The following WWOX variants were observed in gnomAD, a reference collection of about 807,000 sequenced individuals.
WWOX encodes WW domain-containing oxidoreductase.
A neutral mutation model predicts 46.2 loss-of-function variants in WWOX; 69 were observed. The observed-to-expected ratio is 1.49, with a 90% CI of 1.23 to 1.82. The LOEUF (loss-of-function observed/expected upper bound fraction) is 1.82. Ranked by LOEUF, WWOX falls within the 40% of genes most tolerant of loss-of-function variation. The probability of loss-of-function intolerance (pLI) is 0.00; values close to 1 mark genes in which losing one functional copy is unlikely to be tolerated. For missense variants in WWOX, 919 were observed against 542.6 expected (o/e 1.69, Z -6.89); for synonymous variants, 359 against 202.6 (o/e 1.77, Z -6.56).
chr16:78,966,797 T>C lies in WWOX; in HGVS notation c.1057-244811T>C, dbSNP rs562916841. 6.6e-5 allele frequency among the ~76,000 whole-genome samples: 10 copies of C among 152,274 alleles called. No homozygotes were observed. In the South Asian group the frequency reaches 1.9e-3, roughly 28 times the overall value. ...GGATTCAAATCACATGTGCCAACTGTTCTACTTTGGCAGAATTACCTACTG... is the reference window on the plus strand; with the variant it reads ...GGATTCAAATCACATGTGCCAACTGCTCTACTTTGGCAGAATTACCTACTG... On this transcript the variant is annotated intron_variant, in intron 8 of 8. Transcript: ENST00000566780.
At chr16:78,762,686 A>C (rs1274983977) in intron 8 of WWOX, among the ~76,000 whole-genome samples, 60 of 152,188 alleles carry the variant, frequency 3.9e-4, no homozygotes. Context: ...GCAGGAATCC[A>C]CTGTGGCTGA....
intron 7 of WWOX, among the ~76,000 whole-genome samples, chr16:78,428,662 A>C (rs754433685): frequency 6.6e-6 from 1 of 152,200 alleles, no homozygotes; most frequent in Admixed American, 6.5e-5. Context: ...CCTAGTCATG[A>C]CATACTTCTG....
chr16:78,693,202 C>T (rs1225850539), intron 8 of WWOX, among the ~76,000 whole-genome samples: 2 of 152,130 alleles, frequency 1.3e-5, no homozygotes, highest in East Asian at 3.9e-4. Context: ...TATTGACTGC[C>T]TTTCTGTATT....
intron 8 of WWOX, among the ~76,000 whole-genome samples, chr16:78,936,805 T>C (rs1265902467): frequency 6.6e-6 from 1 of 152,066 alleles, no homozygotes; most frequent in African/African-American, 2.4e-5. Context: ...ATGTCTAGAG[T>C]ATGGTTTTAA....
At chr16:78,434,036 G>T (rs905992741) in intron 8 of WWOX, among the ~76,000 whole-genome samples, 3 of 152,132 alleles carry the variant, frequency 2.0e-5, no homozygotes, top group Non-Finnish European at 2.9e-5. Context: ...TGATCCGCCC[G>T]CCTCGGCCTC....
chr16:78,656,273 C>A (rs1037334923), intron 8 of WWOX, among the ~76,000 whole-genome samples: 2 of 152,054 alleles, frequency 1.3e-5, no homozygotes, highest in African/African-American at 4.8e-5. Flanking sequence ...TCTGATGAGG[C>A]CTTTTTTGGG....
At chr16:79,001,286 C>A (rs2047088007) in intron 8 of WWOX, among the ~76,000 whole-genome samples, 2 of 152,016 alleles carry the variant, frequency 1.3e-5, no homozygotes, top group East Asian at 1.9e-4. Flanking sequence ...CCCCCTAAAT[C>A]CAGCACACAA....
In WWOX at chr16:78,774,362, C is replaced by G. The variant is rs577695029; in HGVS notation, c.1056+341610C>G. On this transcript the variant is annotated intron_variant, in intron 8 of 8. Transcript: ENST00000566780. ...TTTTCAGTGAGCCGAGATCGCGCCACTGCACTCCAGTCTGGTGACAGAGCG... is the reference window on the plus strand; with the variant it reads ...TTTTCAGTGAGCCGAGATCGCGCCAGTGCACTCCAGTCTGGTGACAGAGCG... Among the ~76,000 whole-genome samples, 6 of 152,250 alleles carry G rather than the reference C, an allele frequency of 3.9e-5. No individual in the cohort carries two copies. The South Asian group carries it at 1.2e-3, about 32-fold the overall frequency.
chr16:78,617,360 C>T (rs1299707462), intron 8 of WWOX, among the ~76,000 whole-genome samples: 2 of 150,556 alleles, frequency 1.3e-5, no homozygotes, highest in African/African-American at 4.9e-5. Context: ...CGACATTGCA[C>T]CACTGCACCC....
chr16:78,413,994 A>T (rs2082740746), intron 6 of WWOX, among the ~76,000 whole-genome samples: 1 of 151,878 alleles, frequency 6.6e-6, no homozygotes, highest in Admixed American at 6.6e-5. Flanking sequence ...AAGAAGTGAA[A>T]TAGCCAGTTC....
intron 8 of WWOX, among the ~76,000 whole-genome samples, chr16:79,094,875 G>T (rs541522012): frequency 6.6e-6 from 1 of 152,136 alleles, no homozygotes; most frequent in Admixed American, 6.5e-5. Context: ...GTCTACCCCA[G>T]AGTGTCATCA....
At chr16:78,831,283 ATATCTT>A (rs1173546800) in intron 8 of WWOX, among the ~76,000 whole-genome samples, 1 of 152,200 alleles carries the variant, frequency 6.6e-6, no homozygotes, top group African/African-American at 2.4e-5. Flanking sequence ...TCAGCAAAGA[ATATCTT>A]TAGGCTCCTG....
chr16:78,816,554 T>A (rs1013616348), intron 8 of WWOX, among the ~76,000 whole-genome samples: 11 of 144,690 alleles, frequency 7.6e-5, no homozygotes, highest in Non-Finnish European at 1.2e-4. Context: ...GGGAAATGTT[T>A]CTTCCACAAA....
chr16:78,834,150 T>A (rs574916801), intron 8 of WWOX, among the ~76,000 whole-genome samples: 10 of 152,318 alleles, frequency 6.6e-5, no homozygotes, highest in African/African-American at 2.4e-4. Flanking sequence ...GTGGCCTGAA[T>A]AACAACAGGA....
At chr16:79,164,936 C>T (rs938282707) in intron 8 of WWOX, among the ~76,000 whole-genome samples, 3 of 152,144 alleles carry the variant, frequency 2.0e-5, no homozygotes, top group South Asian at 2.1e-4. Flanking sequence ...CATAAAGATA[C>T]CCTGTTGTTA....
intron 8 of WWOX, among the ~76,000 whole-genome samples, chr16:78,461,511 T>G (rs980178828): frequency 6.6e-6 from 1 of 152,132 alleles, no homozygotes; most frequent in Non-Finnish European, 1.5e-5. Context: ...ATGAAAGAAA[T>G]AAAGGCAAGT....
chr16:78,997,693 C>T (rs997609621), intron 8 of WWOX, among the ~76,000 whole-genome samples: 9 of 152,050 alleles, frequency 5.9e-5, no homozygotes, highest in Admixed American at 2.0e-4. Flanking sequence ...CTTCCTTTCC[C>T]TCCTACCCCT....
chr16:78,866,528 G>C (rs1406603068), intron 8 of WWOX, among the ~76,000 whole-genome samples: 1 of 152,014 alleles, frequency 6.6e-6, no homozygotes, highest in African/African-American at 2.4e-5. Flanking sequence ...CTGAAGCTAT[G>C]AGCTATCGAT....
intron 8 of WWOX, among the ~76,000 whole-genome samples, chr16:79,006,296 G>C (rs973423741): frequency 6.6e-6 from 1 of 152,116 alleles, no homozygotes; most frequent in Non-Finnish European, 1.5e-5. Context: ...TGTGAAGCGC[G>C]GGAAGTCCAG....
Sources: allele counts gnomAD v4.1 joint callset (sites outside exome capture counted in the v4.1 genomes callset), GRCh38; gene constraint gnomAD v4.1.1; transcripts MANE v1.5; gene names NCBI Gene and HGNC (gene_info 2026-07-23, HGNC 2026-07-21).